Variants in SCYL2 observed in about 807,000 individuals in gnomAD.
SCYL2 encodes SCY1-like protein 2.
SCYL2 carries 36 observed loss-of-function variants against 100.4 expected under a neutral mutation model. The ratio of observed to expected loss-of-function variants is 0.36; its 90% confidence interval spans 0.27 to 0.47. The LOEUF (loss-of-function observed/expected upper bound fraction) is 0.47. SCYL2 is among the 20% of genes least tolerant of loss of function. The pLI is 1.00. For missense variants in SCYL2, 902 were observed against 1,083.9 expected (o/e 0.83, Z 2.36); for synonymous variants, 330 against 359.2 (o/e 0.92, Z 0.92).
chr12:100,289,376 C>CT (rs1378797030), intron 2 of SCYL2, among the ~76,000 whole-genome samples: 2 of 152,104 alleles, frequency 1.3e-5, no homozygotes, highest in Non-Finnish European at 2.9e-5. Context: ...TGAAACTTGA[C>CT]TTTTTTTATC....
At chr12:100,310,929 C>A in intron 4 of SCYL2, 115 bp from the exon 5 acceptor site, 1 of 985,178 alleles carries the variant, frequency 1.0e-6, no homozygotes, top group Non-Finnish European at 1.4e-6. Context: ...TGATTTTTAG[C>A]TGACACGCAA....
intron 3 of SCYL2, chr12:100,292,040 T>G (rs2096311289): frequency 6.2e-6 from 1 of 162,066 alleles, no homozygotes; most frequent in Non-Finnish European, 1.3e-5. Flanking sequence ...ATTTTGTGTG[T>G]GTGCCAACTA....
chr12:100,304,201 G>T (rs2096331207), intron 4 of SCYL2, among the ~76,000 whole-genome samples: 1 of 152,142 alleles, frequency 6.6e-6, no homozygotes, highest in Admixed American at 6.5e-5. Context: ...GCTCCTTGGG[G>T]GTGGGATCTG....
chr12:100,291,936 G>T, intron 3 of SCYL2: 1 of 298,596 alleles, frequency 3.3e-6, no homozygotes, highest in Non-Finnish European at 6.1e-6. Flanking sequence ...AACATACAAG[G>T]GTATAGAATA....
chr12:100,294,452 G>C (rs2096315371), intron 3 of SCYL2, among the ~76,000 whole-genome samples: 1 of 100,300 alleles, frequency 1.0e-5, no homozygotes, highest in Non-Finnish European at 2.0e-5. Context: ...TCCCAGTAGG[G>C]GCGGCCGGGC....
At chr12:100,305,018 C>G (rs2096332551) in intron 4 of SCYL2, among the ~76,000 whole-genome samples, 1 of 152,110 alleles carries the variant, frequency 6.6e-6, no homozygotes, top group Non-Finnish European at 1.5e-5. Context: ...TCCTTAGAGA[C>G]CTACAAAGAG....
chr12:100,329,123 G>A lies in SCYL2; in HGVS notation c.1643-78G>A, dbSNP rs58833365. 1,252 of 720,802 alleles carry A rather than the reference G, an allele frequency of 1.7e-3. 10 individuals are homozygous for A. The African/African-American group carries it at 0.019, about 11-fold the overall frequency. The allele number at this position is 720,802 out of a possible 1,614,324, so 44.7% of individuals were successfully genotyped here. On this transcript the variant is annotated intron_variant, in intron 12 of 17. Transcript: ENST00000360820. ...ACTACACAGATTATCAAGGGATTTCGTATACATATATTATTTTCATGATTT... is the reference window on the plus strand; with the variant it reads ...ACTACACAGATTATCAAGGGATTTCATATACATATATTATTTTCATGATTT...
At chr12:100,325,948 A>G (rs2096361276) in intron 11 of SCYL2, among the ~76,000 whole-genome samples, 1 of 152,136 alleles carries the variant, frequency 6.6e-6, no homozygotes, top group African/African-American at 2.4e-5. Flanking sequence ...ATTAGCCAAC[A>G]AAATTATTTT....
At chr12:100,295,383 G>A (rs1341430618) in intron 3 of SCYL2, among the ~76,000 whole-genome samples, 1 of 152,226 alleles carries the variant, frequency 6.6e-6, no homozygotes, top group African/African-American at 2.4e-5. Context: ...CCGAGATCAC[G>A]CCACTGCACT....
rs1952345633 is a variant in SCYL2 at position 100,340,967 on chromosome 12, T to C, written c.*1795T>C. 1 of 152,138 alleles carries C rather than the reference T, an allele frequency of 6.6e-6. No individual in the cohort carries two copies. The highest frequency in any genetic ancestry group is 2.4e-5 in the African/African-American group (1 of 41,456). The allele number at this position is 152,138 out of a possible 1,614,324, so 9.4% of individuals were successfully genotyped here. A position where few individuals can be genotyped will look rare whatever the true frequency, so the allele number is the denominator to read the frequency against. ...TTCTTTGTAACAATTTAGTAGTCAC[T>C]GTTTATTGAGAAATTGTTTTTTATT... On this transcript the variant is annotated 3_prime_UTR_variant, in exon 18 of 18. Coordinates refer to ENST00000360820, the MANE Select transcript of SCYL2 (RefSeq NM_017988.6).
intron 7 of SCYL2, 105 bp from the exon 8 acceptor site, chr12:100,314,384 C>G (rs1344807175): frequency 6.6e-6 from 5 of 760,974 alleles, no homozygotes; most frequent in Non-Finnish European, 1.0e-5. Context: ...CAGCATTTTG[C>G]TAAATGTTTC....
In SCYL2 at chr12:100,267,185, T is replaced by G; in HGVS notation, c.-636T>G. On this transcript the variant is annotated 5_prime_UTR_variant, in exon 1 of 18. Transcript: ENST00000360820. Reference sequence around the variant, plus strand: ...CGGCCGGCAGGTCTTTTAGTCTTTTTCCCCCTCCCTTACTCTTCGTCCCCG... The same window carrying G: ...CGGCCGGCAGGTCTTTTAGTCTTTTGCCCCCTCCCTTACTCTTCGTCCCCG... 1 of 1,217,430 alleles carries G rather than the reference T, an allele frequency of 8.2e-7. No homozygotes were observed. Among genetic ancestry groups the G allele is most frequent in the Non-Finnish European group, 1.1e-6 (1 of 871,646 alleles). The allele number at this position is 1,217,430 out of a possible 1,614,324, so 75.4% of individuals were successfully genotyped here.
chr12:100,339,226 G>A lies in SCYL2; in HGVS notation c.*54G>A. ...TTTCAGTTTCAATCATGGGTGAGCT[G>A]ATTTACATCTTTATATAGTTGGCTT... On this transcript the variant is annotated 3_prime_UTR_variant, in exon 18 of 18. Transcript: ENST00000360820. The A allele has an allele frequency of 1.3e-6, 2 of 1,528,766 alleles. No individual in the cohort carries two copies. The highest frequency in any genetic ancestry group is 1.8e-6 in the Non-Finnish European group (2 of 1,129,720). The allele number at this position is 1,528,766 out of a possible 1,614,324, so 94.7% of individuals were successfully genotyped here. A position where few individuals can be genotyped will look rare whatever the true frequency, so the allele number is the denominator to read the frequency against.
intron 10 of SCYL2, among the ~76,000 whole-genome samples, chr12:100,323,231 G>A (rs1311903673): frequency 6.6e-6 from 1 of 152,054 alleles, no homozygotes; most frequent in African/African-American, 2.4e-5. Flanking sequence ...GAGGACTTGT[G>A]TTATCAAAGA....
intron 3 of SCYL2, among the ~76,000 whole-genome samples, chr12:100,295,275 T>G: frequency 1.3e-5 from 2 of 151,440 alleles, no homozygotes; most frequent in Non-Finnish European, 2.9e-5. Context: ...GCAGAGACGC[T>G]CCTCACTTCC....
chr12:100,299,242 C>A (rs544113639), intron 4 of SCYL2, among the ~76,000 whole-genome samples: 1 of 151,308 alleles, frequency 6.6e-6, no homozygotes, highest in South Asian at 2.1e-4. Context: ...CTTAAAAAAA[C>A]AACAACAACA....
At chr12:100,287,552 G>A (rs919939929) in intron 2 of SCYL2, among the ~76,000 whole-genome samples, 6 of 152,096 alleles carry the variant, frequency 3.9e-5, no homozygotes, top group East Asian at 1.9e-4. Flanking sequence ...GAATACTTCC[G>A]TAGCCTTTTT....
At chr12:100,286,572 C>T (rs1170696355) in intron 2 of SCYL2, among the ~76,000 whole-genome samples, 1 of 151,948 alleles carries the variant, frequency 6.6e-6, no homozygotes, top group Non-Finnish European at 1.5e-5. Context: ...ATAACACCTC[C>T]CTGAAATGAC....
chr12:100,276,422 TC>T (rs2096292553), intron 1 of SCYL2, among the ~76,000 whole-genome samples: 1 of 152,168 alleles, frequency 6.6e-6, no homozygotes, highest in Non-Finnish European at 1.5e-5. Context: ...AGCCTTGATC[TC>T]CCAGGCTTAA....
Sources: allele counts gnomAD v4.1 joint callset (sites outside exome capture counted in the v4.1 genomes callset), GRCh38; gene constraint gnomAD v4.1.1; transcripts MANE v1.5; gene names NCBI Gene and HGNC (gene_info 2026-07-23, HGNC 2026-07-21).